MIR2052HG: variants seen among roughly 807,000 people sequenced by gnomAD.
The protein encoded by MIR2052HG is MIR2052 host gene.
intron 2 of MIR2052HG, among the ~76,000 whole-genome samples, chr8:74,700,006 A>G (rs1435186066): frequency 6.6e-6 from 1 of 152,162 alleles, no homozygotes; most frequent in African/African-American, 2.4e-5. Flanking sequence ...TTTATCAACC[A>G]TTTTGCTAAG....
In MIR2052HG at chr8:74,615,058, C is replaced by G. The variant is rs1203801344; in HGVS notation, n.216+2118C>G. The G allele has an allele frequency of 3.3e-5, 5 of 152,176 alleles. No homozygotes were observed. In the East Asian group the frequency reaches 9.6e-4, roughly 29 times the overall value. 9.4% of individuals were successfully genotyped at this position (152,176 alleles called of 1,614,324 possible). A position where few individuals can be genotyped will look rare whatever the true frequency, so the allele number is the denominator to read the frequency against. On this transcript the variant is annotated intron_variant and non_coding_transcript_variant, in intron 2 of 6. Transcript: ENST00000523442. Reference sequence around the variant, plus strand: ...TTTTCTTTAACGATTTGCTGTCTCTCCCATGCTTCCTCCTTAGAACAGCTG... The same window carrying G: ...TTTTCTTTAACGATTTGCTGTCTCTGCCATGCTTCCTCCTTAGAACAGCTG...
intron 4 of MIR2052HG, among the ~76,000 whole-genome samples, chr8:74,716,395 T>C (rs184219781): frequency 1.4e-4 from 22 of 152,296 alleles, no homozygotes; most frequent in Admixed American, 5.9e-4. Context: ...CTGGGCCTTT[T>C]ATAGAATATT....
chr8:74,690,570 C>A (rs1809229357), intron 2 of MIR2052HG, among the ~76,000 whole-genome samples: 1 of 151,916 alleles, frequency 6.6e-6, no homozygotes, highest in South Asian at 2.1e-4. Context: ...ATGGCATGAA[C>A]CCAGGAGGCG....
chr8:74,701,428 A>G (rs771031512), intron 2 of MIR2052HG, among the ~76,000 whole-genome samples: 2 of 152,006 alleles, frequency 1.3e-5, no homozygotes, highest in Non-Finnish European at 2.9e-5. Flanking sequence ...TTGGAAGTCA[A>G]TTGTATATTC....
At chr8:74,672,079 C>G (rs1214735446) in intron 2 of MIR2052HG, among the ~76,000 whole-genome samples, 1 of 152,128 alleles carries the variant, frequency 6.6e-6, no homozygotes, top group Non-Finnish European at 1.5e-5. Context: ...ATTGCATTGG[C>G]AGAATATGGC....
At position 74,702,808 on chromosome 8, in the gene MIR2052HG, T is replaced by G. The variant is rs531601055; in HGVS notation, n.294+352T>G. Reference sequence around the variant, plus strand: ...TTAAAACATGGCCCATGCTAAAGTTTAGATGCCCAAAATTCCTTGGCATGA... The same window carrying G: ...TTAAAACATGGCCCATGCTAAAGTTGAGATGCCCAAAATTCCTTGGCATGA... On this transcript the variant is annotated intron_variant and non_coding_transcript_variant, in intron 3 of 6. Coordinates refer to ENST00000523442, the Ensembl canonical transcript of MIR2052HG. Among the ~76,000 whole-genome samples the G allele has an allele frequency of 2.6e-5, 4 of 152,218 alleles. No homozygotes were observed. In the East Asian group the frequency reaches 7.7e-4, roughly 29 times the overall value.
chr8:74,639,973 T>TA (rs1808621297), intron 2 of MIR2052HG, among the ~76,000 whole-genome samples: 1 of 152,176 alleles, frequency 6.6e-6, no homozygotes. Context: ...TGGTGGTACT[T>TA]ACGTGGGTTT....
chr8:74,722,717 T>C (rs269170), intron 4 of MIR2052HG, among the ~76,000 whole-genome samples: 99,274 of 152,096 alleles, frequency 0.65, 34,009 homozygotes, highest in African/African-American at 0.87. Flanking sequence ...TGGTAATTAG[T>C]ATTTGTTAAG....
intron 2 of MIR2052HG, among the ~76,000 whole-genome samples, chr8:74,641,192 TAAAG>T (rs1346850483): frequency 6.6e-6 from 1 of 152,226 alleles, no homozygotes; most frequent in East Asian, 1.9e-4. Context: ...TTCTGTCAGA[TAAAG>T]AACTCTATAT....
chr8:74,679,325 A>G (rs1443573934), intron 2 of MIR2052HG, among the ~76,000 whole-genome samples: 1 of 151,996 alleles, frequency 6.6e-6, no homozygotes, highest in Non-Finnish European at 1.5e-5. Flanking sequence ...GCTCCCACTT[A>G]TAAGTGACAA....
chr8:74,714,698 C>CTTTT (rs10715580), intron 4 of MIR2052HG, among the ~76,000 whole-genome samples: 178 of 124,432 alleles, frequency 1.4e-3, no homozygotes, highest in East Asian at 1.7e-3. Flanking sequence ...CTTTTTCCTT[C>CTTTT]TTTTTTTTTT....
chr8:74,728,903 C>T (rs1035004716), intron 4 of MIR2052HG, among the ~76,000 whole-genome samples: 6 of 152,182 alleles, frequency 3.9e-5, no homozygotes, highest in Admixed American at 3.3e-4. Flanking sequence ...ATTTCATACT[C>T]ATTCTTACTA....
chr8:74,600,917 A>C (rs1807991520), intron 1 of MIR2052HG, among the ~76,000 whole-genome samples: 1 of 152,178 alleles, frequency 6.6e-6, no homozygotes, highest in Non-Finnish European at 1.5e-5. Context: ...TGTATGGTAG[A>C]GTGAGAGACC....
intron 2 of MIR2052HG, among the ~76,000 whole-genome samples, chr8:74,644,020 C>G (rs1480507648): frequency 6.6e-6 from 1 of 152,148 alleles, no homozygotes; most frequent in Admixed American, 6.6e-5. Context: ...AGATGTAATT[C>G]TCCTTTGTTG....
At chr8:74,710,718 CT>C (rs1187340114) in intron 4 of MIR2052HG, among the ~76,000 whole-genome samples, 1 of 152,082 alleles carries the variant, frequency 6.6e-6, no homozygotes. Flanking sequence ...AATCTATCTA[CT>C]TATGGGGTTC....
chr8:74,609,585 GATA>G (rs1234655887), intron 1 of MIR2052HG: 3 of 151,474 alleles, frequency 2.0e-5, no homozygotes, highest in Admixed American at 1.3e-4. Flanking sequence ...ATATAACAGT[GATA>G]ATAAGTCAAA....
At chr8:74,731,380 G>A (rs1475968029) in intron 4 of MIR2052HG, among the ~76,000 whole-genome samples, 2 of 152,154 alleles carry the variant, frequency 1.3e-5, no homozygotes, top group Non-Finnish European at 2.9e-5. Flanking sequence ...AACTTATTCT[G>A]GGTATGGATT....
At chr8:74,639,260 A>G (rs909669360) in intron 2 of MIR2052HG, among the ~76,000 whole-genome samples, 1 of 152,152 alleles carries the variant, frequency 6.6e-6, no homozygotes, top group Admixed American at 6.6e-5. Context: ...TTCCATCCAC[A>G]TTTTAAGATT....
chr8:74,666,814 C>A (rs899835419), intron 2 of MIR2052HG, among the ~76,000 whole-genome samples: 2 of 152,132 alleles, frequency 1.3e-5, no homozygotes, highest in African/African-American at 4.8e-5. Flanking sequence ...AACTATAAAA[C>A]CTTTGTATTG....
Sources: allele counts gnomAD v4.1 joint callset (sites outside exome capture counted in the v4.1 genomes callset), GRCh38; gene constraint gnomAD v4.1.1; transcripts MANE v1.5; gene names NCBI Gene and HGNC (gene_info 2026-07-23, HGNC 2026-07-21).